DOK5: variants seen among roughly 807,000 people sequenced by gnomAD.
DOK5 encodes the protein downstream of tyrosine kinase 5.
Under a neutral mutation model 43.3 loss-of-function variants are expected in DOK5, and 27 were observed. The ratio of observed to expected loss-of-function variants is 0.62; its 90% CI spans 0.46 to 0.86. The LOEUF (loss-of-function observed/expected upper bound fraction) is 0.86. Among genes scored for constraint, DOK5 ranks in the 40% least tolerant of loss-of-function variants. The pLI, the probability that DOK5 is intolerant of heterozygous loss-of-function variation, is 0.00. For missense variants in DOK5, 373 were observed against 392.9 expected (o/e 0.95, Z 0.43); for synonymous variants, 146 against 140.1 (o/e 1.04, Z -0.30).
chr20:54,503,930 T>C (rs1982708007), intron 1 of DOK5, among the ~76,000 whole-genome samples: 1 of 152,188 alleles, frequency 6.6e-6, no homozygotes, highest in Non-Finnish European at 1.5e-5. Flanking sequence ...GGGGTCATCT[T>C]GTAAGGAGAA....
chr20:54,479,876 C>T (rs1191787817), intron 1 of DOK5, among the ~76,000 whole-genome samples: 1 of 151,978 alleles, frequency 6.6e-6, no homozygotes, highest in Non-Finnish European at 1.5e-5. Context: ...GGTGTCATTT[C>T]ACTCTTCTCC....
Position 54,571,897 on chromosome 20 carries a change from A to G in DOK5, c.175-16586A>G, listed in dbSNP as rs374583635. Among the ~76,000 whole-genome samples, 72 of 152,022 alleles carry G rather than the reference A, an allele frequency of 4.7e-4. 1 individual carries two copies. Among genetic ancestry groups the G allele is most frequent in the African/African-American group, 1.7e-3 (70 of 41,450 alleles). On this transcript the variant is annotated intron_variant, in intron 2 of 7. Coordinates refer to ENST00000262593, the MANE Select transcript of DOK5 (RefSeq NM_018431.5). ...TCTTCCCTACGTTTTCATCATACCA[A>G]ACTCTGTTGTCTTATGATTGCACAC... is the stretch of plus-strand genomic sequence containing the variant.
At chr20:54,555,567 A>G (rs1230257772) in intron 2 of DOK5, 5 of 152,868 alleles carry the variant, frequency 3.3e-5, no homozygotes, top group African/African-American at 7.2e-5. Flanking sequence ...TAAGGTAAGT[A>G]CAAGATTTAC....
Position 54,475,980 on chromosome 20 carries a change from G to C in DOK5, c.34G>C (p.Gly12Arg). Reference sequence around the variant, plus strand: ...CAATTTTAATGACATAGTGAAGCAAGGGTACGTGAGGATCCGGAGCAGACG... The same window carrying C: ...CAATTTTAATGACATAGTGAAGCAACGGTACGTGAGGATCCGGAGCAGACG... Reference protein sequence around the residue: ...ASNFNDIVKQGYVRIRSRRLG... With the variant: ...ASNFNDIVKQRYVRIRSRRLG... The change falls in exon 1 of 8, where the codon GGG becomes CGG. Residue 12 changes from glycine to arginine, a missense_variant. Coordinates refer to ENST00000262593, the MANE Select transcript of DOK5 (RefSeq NM_018431.5). This position sits in a 1 kb window ranked among gnomAD's most constrained non-coding sequence, Gnocchi z 4.2. The C allele has an allele frequency of 6.2e-7, 1 of 1,613,536 alleles. No homozygotes were observed. The highest frequency in any genetic ancestry group is 8.5e-7 in the Non-Finnish European group (1 of 1,179,946).
chr20:54,642,565 A>AAG (rs1555839402), intron 6 of DOK5, among the ~76,000 whole-genome samples: 3 of 147,080 alleles, frequency 2.0e-5, no homozygotes, highest in African/African-American at 7.9e-5. Flanking sequence ...AAAAAAAAAA[A>AAG]AAAGAAAAAT....
At chr20:54,634,940 G>A (rs1978753132) in intron 6 of DOK5, among the ~76,000 whole-genome samples, 1 of 151,980 alleles carries the variant, frequency 6.6e-6, no homozygotes, top group African/African-American at 2.4e-5. Context: ...ACCTCCTTTA[G>A]CTATCACCCC....
chr20:54,494,642 A>G (rs1982319481), intron 1 of DOK5, among the ~76,000 whole-genome samples: 2 of 151,948 alleles, frequency 1.3e-5, no homozygotes, highest in Admixed American at 1.3e-4. Context: ...CGTTAGTTTA[A>G]TTTTCATAAA....
chr20:54,518,682 T>C (rs1478067065), intron 1 of DOK5, among the ~76,000 whole-genome samples: 1 of 152,138 alleles, frequency 6.6e-6, no homozygotes, highest in East Asian at 1.9e-4. Flanking sequence ...TAGTTCTAGA[T>C]CCCTGAGGAA....
chr20:54,562,747 A>G (rs372480962), intron 2 of DOK5, among the ~76,000 whole-genome samples: 105 of 152,174 alleles, frequency 6.9e-4, no homozygotes, highest in African/African-American at 2.3e-3. Context: ...CATTAAAAAA[A>G]TCAATCTAAA....
At chr20:54,495,650 G>T (rs1045421718) in intron 1 of DOK5, among the ~76,000 whole-genome samples, 3 of 152,158 alleles carry the variant, frequency 2.0e-5, no homozygotes, top group African/African-American at 7.2e-5. Context: ...CAGCACTTTG[G>T]GAGGCCAAGG....
At chr20:54,544,160 C>G (rs1984260682) in intron 1 of DOK5, among the ~76,000 whole-genome samples, 1 of 152,136 alleles carries the variant, frequency 6.6e-6, no homozygotes, top group South Asian at 2.1e-4. Flanking sequence ...TTTTTCTTTA[C>G]AGTAAATTTA....
At chr20:54,638,389 G>A (rs1230659244) in intron 6 of DOK5, among the ~76,000 whole-genome samples, 1 of 152,110 alleles carries the variant, frequency 6.6e-6, no homozygotes, top group Non-Finnish European at 1.5e-5. Flanking sequence ...TGGATTTCCA[G>A]GCTCTTGGAA....
At chr20:54,509,323 T>C (rs1280924644) in intron 1 of DOK5, among the ~76,000 whole-genome samples, 2 of 152,180 alleles carry the variant, frequency 1.3e-5, no homozygotes, top group African/African-American at 2.4e-5. Flanking sequence ...CCCCAGTAGA[T>C]GGGACTACAG....
chr20:54,505,859 G>GCCC (rs1423514717), intron 1 of DOK5, among the ~76,000 whole-genome samples: 2 of 152,206 alleles, frequency 1.3e-5, no homozygotes, highest in African/African-American at 4.8e-5. Context: ...AGGGAGGCCA[G>GCCC]TGTACTCAAA....
At chr20:54,601,896 C>G (rs534810561) in intron 5 of DOK5, among the ~76,000 whole-genome samples, 83 of 152,304 alleles carry the variant, frequency 5.4e-4, no homozygotes, top group African/African-American at 1.9e-3. Context: ...AGGGCGATTC[C>G]TGTTTCCAAA....
Position 54,475,611 on chromosome 20 carries a change from G to T in DOK5, c.-336G>T. ...CCTCCTCCTTCTTCTCCTCCTTCTCGGCCGGGAGGAGGCAGGGCTGGATCC... is the reference window on the plus strand; with the variant it reads ...CCTCCTCCTTCTTCTCCTCCTTCTCTGCCGGGAGGAGGCAGGGCTGGATCC... On this transcript the variant is annotated 5_prime_UTR_variant, in exon 1 of 8. Coordinates refer to ENST00000262593, the MANE Select transcript of DOK5 (RefSeq NM_018431.5). This position sits in a 1 kb window ranked among gnomAD's most constrained non-coding sequence, Gnocchi z 4.2. The T allele has an allele frequency of 2.9e-6, 1 of 339,320 alleles. No individual in the cohort carries two copies. Among genetic ancestry groups the T allele is most frequent in the Non-Finnish European group, 5.4e-6 (1 of 185,980 alleles). 21.0% of individuals were successfully genotyped at this position (339,320 alleles called of 1,614,324 possible). A position where few individuals can be genotyped will look rare whatever the true frequency, so the allele number is the denominator to read the frequency against.
chr20:54,613,556 T>A (rs1014447564), intron 6 of DOK5, among the ~76,000 whole-genome samples: 1 of 152,040 alleles, frequency 6.6e-6, no homozygotes, highest in Non-Finnish European at 1.5e-5. Flanking sequence ...ACTAGGTGGA[T>A]GTAGAAAATA....
chr20:54,518,895 T>G (rs1298335679), intron 1 of DOK5, among the ~76,000 whole-genome samples: 1 of 152,128 alleles, frequency 6.6e-6, no homozygotes, highest in Non-Finnish European at 1.5e-5. Flanking sequence ...TGGGCGAAGG[T>G]TATGAACAGA....
chr20:54,577,739 G>T (rs1985497228), intron 2 of DOK5, among the ~76,000 whole-genome samples: 1 of 152,204 alleles, frequency 6.6e-6, no homozygotes. Context: ...TGTACTGAAT[G>T]CATCTCAACT....
Sources: allele counts gnomAD v4.1 joint callset (sites outside exome capture counted in the v4.1 genomes callset), GRCh38; gene constraint gnomAD v4.1.1; non-coding constraint Gnocchi (gnomAD v3.1); transcripts MANE v1.5; gene names NCBI Gene and HGNC (gene_info 2026-07-23, HGNC 2026-07-21).